The following GLRX3 variants were observed in gnomAD, a reference collection of about 807,000 sequenced individuals.
The protein encoded by GLRX3 is glutaredoxin 3, also known as glutaredoxin-3.
In GLRX3, 22 loss-of-function variants were observed where a neutral mutation model predicts 49.5. That is an observed-to-expected ratio of 0.44 (90% CI 0.32 to 0.63). GLRX3 has a LOEUF of 0.63. Among genes scored for constraint, GLRX3 ranks in the 30% least tolerant of loss-of-function variants. The pLI is 0.05. For synonymous variants in GLRX3, 133 were observed against 140.0 expected (o/e 0.95, Z 0.35); for missense variants, 385 against 396.3 (o/e 0.97, Z 0.24).
In GLRX3 at chr10:130,161,005, G is replaced by A. The variant is rs1331479988; in HGVS notation, c.478+8G>A. ...CTCAAGAACCACGCTGTGGTAAGAA[G>A]CTGCCTTTAACATAATATAAACAAA... On this transcript the variant is annotated splice_region_variant and intron_variant, in intron 4 of 10. Coordinates refer to ENST00000331244, the MANE Select transcript of GLRX3 (RefSeq NM_006541.5). 3 of 1,603,406 alleles carry A rather than the reference G, an allele frequency of 1.9e-6. No homozygotes were observed. Among genetic ancestry groups the A allele is most frequent in the South Asian group, 2.2e-5 (2 of 90,832 alleles).
Position 130,169,421 on chromosome 10 carries a change from T to A in GLRX3, c.714-12T>A. On this transcript the variant is annotated splice_polypyrimidine_tract_variant and intron_variant, in intron 6 of 10. Coordinates refer to ENST00000331244, the MANE Select transcript of GLRX3 (RefSeq NM_006541.5). The stretch of plus-strand genomic sequence containing the variant: ...TGAGCTGAGCCGTTTTATATCAATT[T>A]TCTCTCTTTAGGCTCAAAGTGCTGA... 6.3e-7 allele frequency: 1 copy of A among 1,593,972 alleles called. No homozygotes were observed. The highest frequency in any genetic ancestry group is 8.6e-7 in the Non-Finnish European group (1 of 1,161,602).
chr10:130,165,412 A>G (rs1209259824), intron 4 of GLRX3, among the ~76,000 whole-genome samples: 1 of 152,194 alleles, frequency 6.6e-6, no homozygotes, highest in African/African-American at 2.4e-5. Context: ...GATGATGTCA[A>G]AAAAGTACAG....
At chr10:130,157,607 G>A (rs1862501433) in intron 2 of GLRX3, among the ~76,000 whole-genome samples, 1 of 145,552 alleles carries the variant, frequency 6.9e-6, no homozygotes, top group Admixed American at 7.3e-5. Flanking sequence ...GCCATGCCCA[G>A]GAGTAATGTT....
intron 1 of GLRX3, among the ~76,000 whole-genome samples, chr10:130,138,857 T>G (rs1862118017): frequency 6.8e-6 from 1 of 147,598 alleles, no homozygotes. Context: ...GTTTTTTTTT[T>G]TTTTTTTTTT....
chr10:130,165,992 T>C (rs1862677076), intron 4 of GLRX3, among the ~76,000 whole-genome samples: 2 of 152,150 alleles, frequency 1.3e-5, no homozygotes, highest in Non-Finnish European at 2.9e-5. Flanking sequence ...GATTCAGATT[T>C]CTGGTTTTGT....
chr10:130,149,080 A>G (rs1206411714), intron 2 of GLRX3, among the ~76,000 whole-genome samples: 3 of 151,946 alleles, frequency 2.0e-5, no homozygotes, highest in African/African-American at 7.3e-5. Flanking sequence ...TAAAAAGTGC[A>G]TCTGTACTCC....
intron 2 of GLRX3, among the ~76,000 whole-genome samples, chr10:130,147,041 T>C: frequency 6.6e-6 from 1 of 152,258 alleles, no homozygotes; most frequent in East Asian, 1.9e-4. Context: ...TAATTTTGTA[T>C]GAATCCTTCT....
intron 2 of GLRX3, among the ~76,000 whole-genome samples, chr10:130,146,430 T>G (rs1862271506): frequency 6.6e-6 from 1 of 152,220 alleles, no homozygotes; most frequent in African/African-American, 2.4e-5. Context: ...AGTCTCTTCC[T>G]TGCCTCTTTT....
intron 1 of GLRX3, among the ~76,000 whole-genome samples, chr10:130,144,067 CT>C: frequency 6.6e-6 from 1 of 152,258 alleles, no homozygotes. Flanking sequence ...CAGTTCTATT[CT>C]TTTCCTCGTT....
chr10:130,168,849 A>G (rs1862747536), intron 6 of GLRX3, among the ~76,000 whole-genome samples: 1 of 152,144 alleles, frequency 6.6e-6, no homozygotes, highest in Admixed American at 6.6e-5. Context: ...ACTTTTCTTG[A>G]GATTTGTGAC....
intron 4 of GLRX3, among the ~76,000 whole-genome samples, chr10:130,163,432 A>G (rs1360719475): frequency 2.6e-5 from 4 of 152,236 alleles, no homozygotes; most frequent in Non-Finnish European, 5.9e-5. Flanking sequence ...AAAACAAAAC[A>G]AAACACATTT....
chr10:130,168,601 C>T (rs1303799357), intron 6 of GLRX3, among the ~76,000 whole-genome samples: 1 of 152,196 alleles, frequency 6.6e-6, no homozygotes, highest in Non-Finnish European at 1.5e-5. Context: ...TCCGCCACCA[C>T]GTCCGGCTAA....
intron 1 of GLRX3, among the ~76,000 whole-genome samples, chr10:130,136,738 G>C (rs942453359): frequency 1.1e-4 from 16 of 152,150 alleles, no homozygotes; most frequent in African/African-American, 3.9e-4. Flanking sequence ...CGCGAGGCTC[G>C]CCTGGAAGCC....
intron 7 of GLRX3, among the ~76,000 whole-genome samples, chr10:130,171,370 A>G (rs924443337): frequency 6.6e-6 from 1 of 152,066 alleles, no homozygotes; most frequent in African/African-American, 2.4e-5. Context: ...GTTACAAACC[A>G]AAGGAAAAGG....
At chr10:130,146,288 A>AG (rs1329037991) in intron 2 of GLRX3, among the ~76,000 whole-genome samples, 2 of 152,164 alleles carry the variant, frequency 1.3e-5, no homozygotes, top group Non-Finnish European at 2.9e-5. Context: ...TAATTCAGGA[A>AG]GGGGTATGTA....
intron 1 of GLRX3, among the ~76,000 whole-genome samples, chr10:130,138,592 A>G (rs1252780980): frequency 6.6e-6 from 1 of 152,140 alleles, no homozygotes. Context: ...TTACGGAAAA[A>G]AGCAGGGGTT....
rs1482098310 is a variant in GLRX3 at position 130,166,635 on chromosome 10, C to G, written c.607C>G (p.Leu203Val). The G allele has an allele frequency of 6.2e-7, 1 of 1,611,410 alleles. No individual in the cohort carries two copies. The highest frequency in any genetic ancestry group is 1.1e-5 in the South Asian group (1 of 91,038). ...AYSSWPTYPQ[L>V]YVSGELIGGL... ...TTCCAGTTGGCCTACCTATCCTCAG[C>G]TCTATGTTTCTGGAGAGCTCATAGG... The change falls in exon 5 of 11, where the codon CTC (leucine) becomes GTC (valine). Residue 203 changes from leucine (L) to valine (V), a missense_variant. Coordinates refer to ENST00000331244, the MANE Select transcript of GLRX3 (RefSeq NM_006541.5).
In GLRX3 at chr10:130,149,773, G is replaced by A. The variant is rs577843471; in HGVS notation, c.201+4454G>A. 5.4e-3 allele frequency among the ~76,000 whole-genome samples: 768 copies of A among 142,966 alleles called. 7 individuals carry two copies. The highest frequency in any genetic ancestry group is 0.018 in the African/African-American group (714 of 39,936). 93.8% of individuals were successfully genotyped at this position (142,966 alleles called of 152,430 possible). A position where few individuals can be genotyped will look rare whatever the true frequency, so the allele number is the denominator to read the frequency against. ...TATGAAATCGTAGCTATTTTTTCCT[G>A]TAGCTTTTTTTTTTTTGGTCTCTGT... On this transcript the variant is annotated intron_variant, in intron 2 of 10. Transcript: ENST00000331244.
chr10:130,137,943 C>T (rs746724844), intron 1 of GLRX3, among the ~76,000 whole-genome samples: 1 of 152,120 alleles, frequency 6.6e-6, no homozygotes, highest in Non-Finnish European at 1.5e-5. Flanking sequence ...GCCATGTTGC[C>T]CAGCCTCGTC....
Sources: gnomAD v4.1 joint callset for allele counts (sites outside exome capture counted in the v4.1 genomes callset) on GRCh38, gnomAD v4.1.1 for gene constraint, MANE v1.5 for transcripts, NCBI Gene and HGNC (gene_info 2026-07-23, HGNC 2026-07-21) for gene names.